Variants in RGPD4 observed in about 807,000 individuals in gnomAD.
The protein encoded by RGPD4 is RANBP2 like and GRIP domain containing 4.
A neutral mutation model predicts 141.1 loss-of-function variants in RGPD4; 84 were observed. That is an observed-to-expected ratio of 0.60 (90% confidence interval 0.50 to 0.71). The LOEUF (loss-of-function observed/expected upper bound fraction) is 0.71, where lower values mean the gene tolerates loss of function less well. RGPD4 is among the 30% of genes least tolerant of loss of function. RGPD4 has a pLI of 0.00. For missense variants in RGPD4, 918 were observed against 1,622.4 expected (o/e 0.57, Z 7.46); for synonymous variants, 298 against 566.8 (o/e 0.53, Z 6.74).
chr2:107,878,428 G>A (rs201490704), intron 20 of RGPD4, among the ~76,000 whole-genome samples: 8 of 150,332 alleles, frequency 5.3e-5, no homozygotes, highest in Admixed American at 1.3e-4. Flanking sequence ...TGTGTCTTCC[G>A]CCAGCACATA....
rs1490823598 is a variant in RGPD4 at position 107,827,107 on chromosome 2, C to T, written c.72+22C>T. On this transcript the variant is annotated intron_variant, in intron 1 of 22. Transcript: ENST00000408999. ...AAAGGTGAGTGGATCTCGAAGAGAC[C>T]GACGGCCTCGACCTGGCCGGGCGGC... The T allele has an allele frequency of 1.1e-5, 17 of 1,577,976 alleles. No individual in the cohort carries two copies. In the South Asian group the frequency reaches 1.5e-4, roughly 14 times the overall value.
At chr2:107,890,305 C>T (rs1469296874) in intron 22 of RGPD4, among the ~76,000 whole-genome samples, 1 of 56,912 alleles carries the variant, frequency 1.8e-5, no homozygotes. Context: ...AATCCCAACA[C>T]TGTAAGGCTG....
chr2:107,880,173 T>G, intron 21 of RGPD4, 66 bp downstream of exon 21: 2 of 1,606,402 alleles, frequency 1.2e-6, no homozygotes, highest in East Asian at 4.5e-5. Context: ...TCCATACACA[T>G]GTACCCAAGT....
rs1175191382 is a variant in RGPD4 at position 107,827,797 on chromosome 2, G to A, written c.72+712G>A. 6.7e-5 allele frequency among the ~76,000 whole-genome samples: 2 copies of A among 29,694 alleles called. 1 individual carries two copies. The highest frequency in any genetic ancestry group is 1.3e-4 in the Non-Finnish European group (2 of 15,510). 19.5% of individuals were successfully genotyped at this position (29,694 alleles called of 152,430 possible). A position where few individuals can be genotyped will look rare whatever the true frequency, so the allele number is the denominator to read the frequency against. On this transcript the variant is annotated intron_variant, in intron 1 of 22. Transcript: ENST00000408999. ...CGCGCTCTGTTGAGGCGGCGGCCTC[G>A]ACCCGGCCCGGCGGCGGCCTCGATG...
At chr2:107,888,875 C>G (rs1270232730) in intron 22 of RGPD4, among the ~76,000 whole-genome samples, 1 of 143,630 alleles carries the variant, frequency 7.0e-6, no homozygotes, top group Non-Finnish European at 1.5e-5. Flanking sequence ...GCCATGCCAA[C>G]ATCTTGATTG....
At position 107,875,638 on chromosome 2, in the gene RGPD4, G is replaced by A. The variant is rs912590164; in HGVS notation, c.4924+2710G>A. On this transcript the variant is annotated intron_variant, in intron 20 of 22. Transcript: ENST00000408999. The stretch of plus-strand genomic sequence containing the variant: ...TAATTTTTTGCGCTTTGCATTAATG[G>A]TGGCTGGGGATGGGTTGTTTTCAGC... 6.3e-5 allele frequency among the ~76,000 whole-genome samples: 9 copies of A among 143,234 alleles called. 1 individual carries two copies. The highest frequency in any genetic ancestry group is 2.0e-4 in the East Asian group (1 of 5,074). The allele number at this position is 143,234 out of a possible 152,430, so 94.0% of individuals were successfully genotyped here.
In RGPD4 at chr2:107,890,583, C is replaced by A. The variant is rs575600157; in HGVS notation, c.5267-138C>A. 2.2e-5 allele frequency: 7 copies of A among 315,234 alleles called. 2 individuals are homozygous for A. Among genetic ancestry groups the A allele is most frequent in the Admixed American group, 1.7e-4 (3 of 17,744 alleles). The allele number at this position is 315,234 out of a possible 1,614,324, so 19.5% of individuals were successfully genotyped here. ...AAAAAAAAAAAAAAAAGAACCCCCC[C>A]CCCCCAACAAAAAAGGCATGTGATC... On this transcript the variant is annotated intron_variant, in intron 22 of 22. Transcript: ENST00000408999.
chr2:107,855,502 G>C (rs1036998499), intron 8 of RGPD4, among the ~76,000 whole-genome samples: 20 of 152,152 alleles, frequency 1.3e-4, no homozygotes, highest in Admixed American at 3.9e-4. Context: ...GATAAAAATT[G>C]CCTGTATTTT....
chr2:107,887,401 T>A (rs1231840378), intron 22 of RGPD4, among the ~76,000 whole-genome samples: 8 of 152,216 alleles, frequency 5.3e-5, no homozygotes, highest in Non-Finnish European at 8.8e-5. Context: ...CCTGACTGTA[T>A]CATCAGCTCT....
intron 1 of RGPD4, among the ~76,000 whole-genome samples, chr2:107,830,168 G>A (rs1681428743): frequency 1.3e-5 from 2 of 151,636 alleles, no homozygotes; most frequent in South Asian, 2.1e-4. Flanking sequence ...TTTGGTAGCT[G>A]CCTTTGCTTA....
chr2:107,847,799 C>A, intron 6 of RGPD4, among the ~76,000 whole-genome samples: 1 of 77,638 alleles, frequency 1.3e-5, no homozygotes, highest in Non-Finnish European at 2.4e-5. Flanking sequence ...CACTCCAGCC[C>A]AGGCGATAGT....
At chr2:107,867,259 G>A (rs930142039) in intron 18 of RGPD4, among the ~76,000 whole-genome samples, 5 of 151,880 alleles carry the variant, frequency 3.3e-5, no homozygotes, top group African/African-American at 1.2e-4. Context: ...AATGGTAGTA[G>A]TAGTGCCCTT....
chr2:107,833,513 GCTC>G lies in RGPD4; in HGVS notation c.73-3086_73-3084del, dbSNP rs970463681. Among the ~76,000 whole-genome samples, 15 of 149,680 alleles carry G rather than the reference GCTC, an allele frequency of 1.0e-4. 1 individual carries two copies. The highest frequency in any genetic ancestry group is 3.7e-4 in the African/African-American group (15 of 40,442). ...GTCCTGTTTACATAACATGGGCTGT[GCTC>G]CTTCCTAGCTATATATCTTTAAACA... On this transcript the variant is annotated intron_variant, in intron 1 of 22. Coordinates refer to ENST00000408999, the MANE Select transcript of RGPD4 (RefSeq NM_182588.3).
chr2:107,889,447 T>TA (rs1268647776), intron 22 of RGPD4, among the ~76,000 whole-genome samples: 1 of 130,550 alleles, frequency 7.7e-6, no homozygotes, highest in East Asian at 2.1e-4. Context: ...TGCTCAGCAA[T>TA]AAAAAAGAAT....
At position 107,890,849 on chromosome 2, in the gene RGPD4, T is replaced by C. The variant is rs930563065; in HGVS notation, c.*118T>C. 7.7e-6 allele frequency: 10 copies of C among 1,296,864 alleles called. No individual in the cohort carries two copies. Among genetic ancestry groups the C allele is most frequent in the Middle Eastern group, 1.9e-4 (1 of 5,282 alleles). 80.3% of individuals were successfully genotyped at this position (1,296,864 alleles called of 1,614,324 possible). A position where few individuals can be genotyped will look rare whatever the true frequency, so the allele number is the denominator to read the frequency against. On this transcript the variant is annotated 3_prime_UTR_variant, in exon 23 of 23. Coordinates refer to ENST00000408999, the MANE Select transcript of RGPD4 (RefSeq NM_182588.3). ...AAAATCTATTTACAAAAATGGTTCATGTGTATTACCATCATTCTTTTGTCA... is the reference window on the plus strand; with the variant it reads ...AAAATCTATTTACAAAAATGGTTCACGTGTATTACCATCATTCTTTTGTCA...
At chr2:107,831,804 C>T (rs1254152612) in intron 1 of RGPD4, among the ~76,000 whole-genome samples, 1 of 145,908 alleles carries the variant, frequency 6.9e-6, no homozygotes, top group African/African-American at 2.6e-5. Context: ...ATCTCCTGAC[C>T]TCATGATCCG....
At position 107,858,659 on chromosome 2, in the gene RGPD4, C is replaced by T. The variant is rs1251913913; in HGVS notation, c.1277-455C>T. The stretch of plus-strand genomic sequence containing the variant: ...TTCACCATGCTGGCCAGGCTGGTCT[C>T]GAACTCCTGACTGCGCATAACCTTT... On this transcript the variant is annotated intron_variant, in intron 9 of 22. Transcript: ENST00000408999. Among the ~76,000 whole-genome samples, 24 of 151,050 alleles carry T rather than the reference C, an allele frequency of 1.6e-4. No homozygotes were observed. In the South Asian group the frequency reaches 3.8e-3, roughly 24 times the overall value.
At chr2:107,858,336 T>C (rs1682401129) in intron 9 of RGPD4, among the ~76,000 whole-genome samples, 1 of 152,212 alleles carries the variant, frequency 6.6e-6, no homozygotes, top group African/African-American at 2.4e-5. Context: ...CATCTTTAAG[T>C]CTTGCAAATT....
At chr2:107,828,721 G>A (rs1681339612) in intron 1 of RGPD4, among the ~76,000 whole-genome samples, 1 of 32,870 alleles carries the variant, frequency 3.0e-5, no homozygotes, top group Non-Finnish European at 6.5e-5. Flanking sequence ...TGGCCGGGCG[G>A]CGGCGGCCTC....
Sources: allele counts gnomAD v4.1 joint callset (sites outside exome capture counted in the v4.1 genomes callset), GRCh38; gene constraint gnomAD v4.1.1; transcripts MANE v1.5; gene names NCBI Gene and HGNC (gene_info 2026-07-23, HGNC 2026-07-21).